NYAP2: variants seen among roughly 807,000 people sequenced by gnomAD.
NYAP2 encodes the protein neuronal tyrosine-phosphorylated phosphoinositide-3-kinase adapter 2.
A neutral mutation model predicts 50.4 loss-of-function variants in NYAP2; 23 were observed. The observed-to-expected ratio is 0.46, with a 90% CI of 0.33 to 0.65. The LOEUF (loss-of-function observed/expected upper bound fraction) is 0.65. Ranked by LOEUF, NYAP2 falls within the 30% of genes least tolerant of loss-of-function variation. NYAP2 has a pLI of 0.02. For missense variants in NYAP2, 885 were observed against 861.0 expected (o/e 1.03, Z -0.35); for synonymous variants, 394 against 365.2 (o/e 1.08, Z -0.90).
chr2:225,685,178 T>C, the NYAP2 span, among the ~76,000 whole-genome samples: 15 of 152,232 alleles, frequency 9.9e-5, no homozygotes, highest in African/African-American at 2.9e-4. Context: ...AGTATTAGTA[T>C]GTTTTCCTTG....
At chr2:225,488,967 A>G (rs191198093) in intron 3 of NYAP2, among the ~76,000 whole-genome samples, 2 of 152,340 alleles carry the variant, frequency 1.3e-5, no homozygotes, top group Admixed American at 1.3e-4. Flanking sequence ...AAGGAAATGA[A>G]TGCTTACCAG....
intron 4 of NYAP2, among the ~76,000 whole-genome samples, chr2:225,541,822 A>G (rs1244064596): frequency 1.3e-5 from 2 of 152,088 alleles, no homozygotes; most frequent in Non-Finnish European, 2.9e-5. Context: ...TATTCCTGTG[A>G]AGAATGTCAT....
chr2:225,702,152 T>C, the NYAP2 span: 14 of 151,754 alleles, frequency 9.2e-5, no homozygotes, highest in Admixed American at 5.3e-4. Context: ...TGCAAAGAAA[T>C]AGAAGTAGAA....
At chr2:225,688,235 T>C in the NYAP2 span, among the ~76,000 whole-genome samples, 4 of 152,284 alleles carry the variant, frequency 2.6e-5, no homozygotes, top group South Asian at 8.3e-4. Context: ...AGATGCCTCC[T>C]GGGGTTTATA....
At chr2:225,559,684 CACAA>C (rs1691839822) in intron 4 of NYAP2, among the ~76,000 whole-genome samples, 1 of 152,012 alleles carries the variant, frequency 6.6e-6, no homozygotes, top group African/African-American at 2.4e-5. Flanking sequence ...TCTAAAAACA[CACAA>C]ACAAAATATT....
chr2:225,681,160 C>A, the NYAP2 span, among the ~76,000 whole-genome samples: 1 of 152,166 alleles, frequency 6.6e-6, no homozygotes, highest in South Asian at 2.1e-4. Flanking sequence ...GGTTGTTGGA[C>A]AGAGCTGGGC....
intron 4 of NYAP2, among the ~76,000 whole-genome samples, chr2:225,531,298 G>GT (rs1691250139): frequency 6.6e-6 from 1 of 152,088 alleles, no homozygotes; most frequent in South Asian, 2.1e-4. Flanking sequence ...TCTTTCTGGA[G>GT]TTTCTTTTCC....
At chr2:225,519,258 A>G (rs1488335007) in intron 4 of NYAP2, among the ~76,000 whole-genome samples, 2 of 151,396 alleles carry the variant, frequency 1.3e-5, no homozygotes, top group Non-Finnish European at 2.9e-5. Context: ...TTATTTTTTT[A>G]TTTTTTATTT....
At chr2:225,463,552 C>T (rs1251704241) in intron 3 of NYAP2, among the ~76,000 whole-genome samples, 1 of 152,216 alleles carries the variant, frequency 6.6e-6, no homozygotes, top group African/African-American at 2.4e-5. Context: ...TTTAAAGTTA[C>T]CAGCAAGTGA....
At chr2:225,489,001 C>T (rs939432650) in intron 3 of NYAP2, among the ~76,000 whole-genome samples, 1 of 152,148 alleles carries the variant, frequency 6.6e-6, no homozygotes, top group Admixed American at 6.5e-5. Context: ...AGAATCCAGG[C>T]AGAAGAACTG....
chr2:225,575,307 A>G (rs1692152572), intron 4 of NYAP2, among the ~76,000 whole-genome samples: 1 of 152,178 alleles, frequency 6.6e-6, no homozygotes, highest in South Asian at 2.1e-4. Flanking sequence ...AAACCGGTGT[A>G]CAAGTTTTAG....
At chr2:225,666,357 C>A in the NYAP2 span, among the ~76,000 whole-genome samples, 2 of 152,076 alleles carry the variant, frequency 1.3e-5, no homozygotes, top group Admixed American at 6.5e-5. Context: ...TTATTCTGAG[C>A]CAAATATGAG....
chr2:225,621,264 G>C (rs1219403692), intron 5 of NYAP2, among the ~76,000 whole-genome samples: 1 of 152,198 alleles, frequency 6.6e-6, no homozygotes, highest in Non-Finnish European at 1.5e-5. Context: ...GTTATTTTCT[G>C]ATACTGGTTT....
At chr2:225,651,345 A>G in intron 6 of NYAP2, 87 bp from the exon 7 acceptor site, 1 of 1,533,406 alleles carries the variant, frequency 6.5e-7, no homozygotes, top group East Asian at 2.2e-5. Context: ...AAGAATAAGT[A>G]GCGAAACAAA....
intron 3 of NYAP2, among the ~76,000 whole-genome samples, chr2:225,418,372 G>T (rs1364292751): frequency 6.6e-6 from 1 of 152,104 alleles, no homozygotes; most frequent in Non-Finnish European, 1.5e-5. Flanking sequence ...GGTGAAATTG[G>T]GATGAGAGAG....
At chr2:225,638,410 A>C (rs948014411) in intron 6 of NYAP2, among the ~76,000 whole-genome samples, 6 of 152,142 alleles carry the variant, frequency 3.9e-5, no homozygotes, top group African/African-American at 1.4e-4. Context: ...GTCTGTGACC[A>C]CAGAGAAAGT....
At chr2:225,635,700 T>C (rs1378106) in intron 6 of NYAP2, among the ~76,000 whole-genome samples, 145,018 of 152,244 alleles carry the variant, frequency 0.95, 69,169 homozygotes, top group African/African-American at 0.99. Context: ...TTGTGGCCAG[T>C]GTGATGACCC....
chr2:225,586,073 G>A (rs1361908449), intron 5 of NYAP2, among the ~76,000 whole-genome samples: 1 of 152,140 alleles, frequency 6.6e-6, no homozygotes, highest in Admixed American at 6.5e-5. Context: ...GCCTCTGTTG[G>A]TTTAGTGGAG....
intron 4 of NYAP2, among the ~76,000 whole-genome samples, chr2:225,565,856 C>T (rs928002497): frequency 1.3e-5 from 2 of 152,068 alleles, no homozygotes; most frequent in Non-Finnish European, 2.9e-5. Context: ...CAAATTCAGA[C>T]TAATTTGACT....
Sources: gnomAD v4.1 joint callset for allele counts (sites outside exome capture counted in the v4.1 genomes callset) on GRCh38, gnomAD v4.1.1 for gene constraint, MANE v1.5 for transcripts, NCBI Gene and HGNC (gene_info 2026-07-23, HGNC 2026-07-21) for gene names.